The following STPG2 variants were observed in gnomAD, a reference collection of about 807,000 sequenced individuals.
STPG2 encodes sperm tail PG-rich repeat containing 2.
Under a neutral mutation model 54.2 loss-of-function variants are expected in STPG2, and 56 were observed. That is an observed-to-expected ratio of 1.03 (90% CI 0.83 to 1.29). STPG2 has a LOEUF of 1.29. STPG2 is among the 50% of genes most tolerant of loss of function. The pLI, the probability that STPG2 is intolerant of heterozygous loss-of-function variation, is 0.00. For synonymous variants in STPG2, 200 were observed against 181.8 expected, an observed-to-expected ratio of 1.10 and a Z score of -0.81; for missense variants, 596 against 544.9, an observed-to-expected ratio of 1.09 and a Z score of -0.93.
intron 9 of STPG2, among the ~76,000 whole-genome samples, chr4:97,807,252 T>A (rs1461762774): frequency 6.6e-6 from 1 of 151,924 alleles, no homozygotes; most frequent in Non-Finnish European, 1.5e-5. Flanking sequence ...GTTTATTTAC[T>A]CATTTAAAAA....
intron 4 of STPG2, among the ~76,000 whole-genome samples, chr4:97,450,570 C>T (rs576294130): frequency 6.5e-4 from 99 of 152,010 alleles, no homozygotes; most frequent in African/African-American, 2.1e-3. Context: ...AATCAGGCAA[C>T]GGTGGGGAAT....
intron 9 of STPG2, among the ~76,000 whole-genome samples, chr4:97,812,320 C>G (rs1452996343): frequency 6.6e-6 from 1 of 152,032 alleles, no homozygotes; most frequent in South Asian, 2.1e-4. Flanking sequence ...TTTATCTCTA[C>G]TTGAATATTT....
rs964908618 is a variant in STPG2 at position 97,791,583 on chromosome 4, A to T, written c.1204+49190T>A. ...TCAAGCTGATAAGTTTTCCTTACAAATTTTTTACAAATATAGCAGTGTTAT... is the reference window on the plus strand; with the variant it reads ...TCAAGCTGATAAGTTTTCCTTACAATTTTTTTACAAATATAGCAGTGTTAT... On this transcript the variant is annotated intron_variant, in intron 9 of 10. Transcript: ENST00000295268. Among the ~76,000 whole-genome samples the T allele has an allele frequency of 3.3e-5, 5 of 152,194 alleles. No homozygotes were observed. The South Asian group carries it at 6.2e-4, about 19-fold the overall frequency.
At chr4:97,726,133 G>A (rs1445436315) in intron 9 of STPG2, among the ~76,000 whole-genome samples, 2 of 151,834 alleles carry the variant, frequency 1.3e-5, no homozygotes, top group Admixed American at 1.3e-4. Flanking sequence ...AGATCAATGG[G>A]CTCCAGAAAA....
chr4:97,827,530 C>T (rs141854392), intron 9 of STPG2, among the ~76,000 whole-genome samples: 64 of 152,226 alleles, frequency 4.2e-4, no homozygotes, highest in African/African-American at 1.4e-3. Flanking sequence ...CCACTGCACC[C>T]GGCCTAGACA....
At chr4:98,137,978 G>A (rs1740179801) in intron 1 of STPG2, among the ~76,000 whole-genome samples, 1 of 151,980 alleles carries the variant, frequency 6.6e-6, no homozygotes, top group African/African-American at 2.4e-5. Flanking sequence ...CTCCATGAGA[G>A]AAGGAACTTA....
At chr4:98,033,299 A>G (rs906418019) in intron 5 of STPG2, among the ~76,000 whole-genome samples, 2 of 152,180 alleles carry the variant, frequency 1.3e-5, no homozygotes, top group Non-Finnish European at 2.9e-5. Context: ...AGAAATACAA[A>G]CTAACATCAG....
At chr4:97,532,325 G>T (rs1193314429) in intron 4 of STPG2, among the ~76,000 whole-genome samples, 2 of 151,904 alleles carry the variant, frequency 1.3e-5, no homozygotes, top group African/African-American at 2.4e-5. Context: ...ACCTATAAAA[G>T]AATTTGAAAT....
At chr4:98,097,117 T>C (rs551277027) in intron 5 of STPG2, among the ~76,000 whole-genome samples, 1 of 152,080 alleles carries the variant, frequency 6.6e-6, no homozygotes, top group Admixed American at 6.5e-5. Flanking sequence ...TCCAAACTCA[T>C]TCTATGAGGC....
intron 8 of STPG2, among the ~76,000 whole-genome samples, chr4:97,897,261 G>A (rs538021751): frequency 3.3e-5 from 5 of 151,852 alleles, no homozygotes; most frequent in Non-Finnish European, 7.4e-5. Context: ...TAATTGCATA[G>A]TATTCCATGG....
intron 7 of STPG2, among the ~76,000 whole-genome samples, chr4:97,945,063 T>A (rs1007591766): frequency 6.6e-6 from 1 of 152,176 alleles, no homozygotes; most frequent in Non-Finnish European, 1.5e-5. Context: ...TTTATAATAA[T>A]TTTTATTTCG....
intron 10 of STPG2, among the ~76,000 whole-genome samples, chr4:97,593,722 G>A (rs1411279798): frequency 6.6e-6 from 1 of 152,070 alleles, no homozygotes; most frequent in African/African-American, 2.4e-5. Flanking sequence ...CACTGACACT[G>A]CTCTAAGGAA....
At chr4:97,796,985 G>A (rs1333132942) in intron 9 of STPG2, among the ~76,000 whole-genome samples, 1 of 151,842 alleles carries the variant, frequency 6.6e-6, no homozygotes, top group Non-Finnish European at 1.5e-5. Flanking sequence ...CTCATGATTT[G>A]GCTCTCTGTT....
chr4:97,448,366 A>G (rs1159612805), intron 4 of STPG2, among the ~76,000 whole-genome samples: 1 of 152,156 alleles, frequency 6.6e-6, no homozygotes, highest in African/African-American at 2.4e-5. Flanking sequence ...GTCCAGGGAC[A>G]GAATGATATG....
chr4:97,476,957 G>T (rs1418417614), intron 4 of STPG2, among the ~76,000 whole-genome samples: 1 of 152,090 alleles, frequency 6.6e-6, no homozygotes, highest in East Asian at 1.9e-4. Flanking sequence ...AAAGACAGTT[G>T]GATAATTAAT....
At chr4:98,097,737 C>CA (rs1213241185) in intron 5 of STPG2, among the ~76,000 whole-genome samples, 5 of 151,882 alleles carry the variant, frequency 3.3e-5, no homozygotes, top group South Asian at 4.2e-4. Flanking sequence ...AAAGACTCCA[C>CA]AAAAAAAATT....
intron 9 of STPG2, among the ~76,000 whole-genome samples, chr4:97,827,340 A>C (rs186730051): frequency 2.0e-5 from 3 of 147,954 alleles, no homozygotes; most frequent in East Asian, 4.0e-4. Flanking sequence ...GGTTCACGCC[A>C]TTCTCCTGCC....
intron 5 of STPG2, among the ~76,000 whole-genome samples, chr4:98,028,449 C>T (rs577799996): frequency 6.6e-6 from 1 of 152,172 alleles, no homozygotes; most frequent in African/African-American, 2.4e-5. Flanking sequence ...TTTAGCTACA[C>T]TTTCTACCAC....
At chr4:97,696,903 C>A (rs182313110) in intron 10 of STPG2, among the ~76,000 whole-genome samples, 80 of 152,216 alleles carry the variant, frequency 5.3e-4, no homozygotes, top group Admixed American at 1.5e-3. Flanking sequence ...AGGCATACCA[C>A]CCTCAAAAAA....
Sources: allele counts gnomAD v4.1 joint callset (sites outside exome capture counted in the v4.1 genomes callset), GRCh38; gene constraint gnomAD v4.1.1; transcripts MANE v1.5; gene names NCBI Gene and HGNC (gene_info 2026-07-23, HGNC 2026-07-21).